Variants in STEAP1B observed in about 807,000 individuals in gnomAD.
STEAP1B encodes the protein STEAP family protein MGC87042.
Under a neutral mutation model 27.9 loss-of-function variants are expected in STEAP1B, and 13 were observed. The observed-to-expected ratio is 0.47, with a 90% confidence interval of 0.30 to 0.74. STEAP1B has a LOEUF of 0.74. STEAP1B is among the 30% of genes least tolerant of loss of function. The pLI is 0.06. For missense variants in STEAP1B, 250 were observed against 298.7 expected (o/e 0.84, Z 1.20); for synonymous variants, 86 against 107.1 (o/e 0.80, Z 1.22).
intron 4 of STEAP1B, among the ~76,000 whole-genome samples, chr7:22,422,098 AC>A (rs1184115991): frequency 6.6e-6 from 1 of 152,258 alleles, no homozygotes; most frequent in African/African-American, 2.4e-5. Context: ...CAACTGTGTT[AC>A]CACTTAAAAA....
intron 4 of STEAP1B, among the ~76,000 whole-genome samples, chr7:22,471,485 A>G (rs748322602): frequency 3.3e-5 from 5 of 152,204 alleles, no homozygotes; most frequent in Non-Finnish European, 5.9e-5. Flanking sequence ...ATCTTCCCAC[A>G]AGGCAGAATT....
At chr7:22,458,570 G>A (rs1457302704) in intron 4 of STEAP1B, among the ~76,000 whole-genome samples, 5 of 152,144 alleles carry the variant, frequency 3.3e-5, no homozygotes, top group African/African-American at 7.2e-5. Flanking sequence ...TTTTTTCTCC[G>A]CTAGAGTCAG....
chr7:22,474,585 A>T (rs1053334307), intron 4 of STEAP1B, among the ~76,000 whole-genome samples: 2 of 152,202 alleles, frequency 1.3e-5, no homozygotes, highest in African/African-American at 4.8e-5. Flanking sequence ...CTGATGTTGC[A>T]CTGCCCTGGT....
intron 4 of STEAP1B, among the ~76,000 whole-genome samples, chr7:22,452,310 C>T (rs1189321141): frequency 6.6e-6 from 1 of 152,138 alleles, no homozygotes; most frequent in Non-Finnish European, 1.5e-5. Context: ...GCTCCTGAGA[C>T]CCTCCACACT....
chr7:22,429,880 G>A (rs1785156059), intron 4 of STEAP1B, among the ~76,000 whole-genome samples: 1 of 152,048 alleles, frequency 6.6e-6, no homozygotes, highest in African/African-American at 2.4e-5. Flanking sequence ...GCCTGACACA[G>A]GTTGGGCATC....
intron 4 of STEAP1B, among the ~76,000 whole-genome samples, chr7:22,467,850 T>G (rs1785813888): frequency 6.6e-6 from 1 of 152,174 alleles, no homozygotes; most frequent in South Asian, 2.1e-4. Context: ...CCAAGAGATA[T>G]AGTTCAAACT....
At chr7:22,494,292 G>A (rs978808631) in intron 2 of STEAP1B, among the ~76,000 whole-genome samples, 1 of 151,752 alleles carries the variant, frequency 6.6e-6, no homozygotes, top group Non-Finnish European at 1.5e-5. Context: ...AGTGGAAAAA[G>A]TGATTCTTAT....
chr7:22,477,958 C>A (rs978410174), intron 4 of STEAP1B, among the ~76,000 whole-genome samples: 1 of 152,182 alleles, frequency 6.6e-6, no homozygotes, highest in South Asian at 2.1e-4. Context: ...GGGAAAAACA[C>A]ACAGTACTCT....
At chr7:22,423,185 C>G (rs1173233631) in intron 4 of STEAP1B, among the ~76,000 whole-genome samples, 1 of 152,126 alleles carries the variant, frequency 6.6e-6, no homozygotes, top group Non-Finnish European at 1.5e-5. Flanking sequence ...TAAAATGGGG[C>G]AGCCACTTTG....
intron 1 of STEAP1B, chr7:22,495,394 G>C (rs1196993350): frequency 2.6e-5 from 4 of 152,294 alleles, no homozygotes; most frequent in Admixed American, 2.0e-4. Flanking sequence ...GTTGGTCCTT[G>C]TTTGGAAGAT....
chr7:22,465,370 T>A (rs1165096278), intron 4 of STEAP1B, among the ~76,000 whole-genome samples: 1 of 152,116 alleles, frequency 6.6e-6, no homozygotes, highest in East Asian at 1.9e-4. Flanking sequence ...ATGTACGGAT[T>A]TTTTTGCTTT....
At chr7:22,424,596 G>T (rs759541958) in intron 4 of STEAP1B, among the ~76,000 whole-genome samples, 7 of 152,114 alleles carry the variant, frequency 4.6e-5, no homozygotes, top group Non-Finnish European at 1.0e-4. Context: ...TTGGCCATTT[G>T]TCCCAGATAC....
At position 22,493,799 on chromosome 7, in the gene STEAP1B, G is replaced by A; in HGVS notation, c.122C>T (p.Pro41Leu). ...TGTTTGCTGCAAATGCAAAAGCACA[G>A]GTCTTTTTAGCATGCTGGTCTCTCC... ...DTGETSMLKR[P>L]VLLHLQQTAH... Residue 41 changes from proline (P) to leucine (L), a missense_variant, in exon 3 of 5, where the codon CCT becomes CTT. Transcript: ENST00000678116. 1.2e-6 allele frequency: 2 copies of A among 1,612,910 alleles called. No individual in the cohort carries two copies. The highest frequency in any genetic ancestry group is 8.5e-7 in the Non-Finnish European group (1 of 1,179,528).
intron 4 of STEAP1B, among the ~76,000 whole-genome samples, chr7:22,481,146 G>A (rs1211079015): frequency 6.6e-6 from 1 of 152,218 alleles, no homozygotes; most frequent in Admixed American, 6.5e-5. Flanking sequence ...AGTAGTGGCT[G>A]ACCTTGAATC....
chr7:22,427,275 T>C (rs1056326290), intron 4 of STEAP1B, among the ~76,000 whole-genome samples: 4 of 152,188 alleles, frequency 2.6e-5, no homozygotes, highest in Non-Finnish European at 5.9e-5. Context: ...ACAGCAGTTA[T>C]GGACAATAGG....
rs1786385392 is a variant in STEAP1B, at chr7:22,493,699, T to C, written c.222A>G (p.Pro74=). The change falls in exon 3 of 5, where the codon CCA becomes CCG. Residue 74 remains proline, a synonymous_variant. Coordinates refer to ENST00000678116, the MANE Select transcript of STEAP1B (RefSeq NM_001382447.1). ...AQELFPQWHL[P]IKIAAVMASL... is the part of the protein sequence containing the mutation. ...ATGCCATAACAGCAGCTATTTTAATTGGCAAGTGCCACTGTGGAAAGAGTT... is the reference window on the plus strand; with the variant it reads ...ATGCCATAACAGCAGCTATTTTAATCGGCAAGTGCCACTGTGGAAAGAGTT... 6.2e-7 allele frequency: 1 copy of C among 1,614,022 alleles called. No individual in the cohort carries two copies. Among genetic ancestry groups the C allele is most frequent in the Non-Finnish European group, 8.5e-7 (1 of 1,179,868 alleles).
intron 2 of STEAP1B, 131 bp downstream of exon 2, chr7:22,494,641 G>A: frequency 1.7e-6 from 1 of 604,104 alleles, no homozygotes. Context: ...ATCAGTGACA[G>A]TAATCCAAGT....
rs551049176 is a variant in STEAP1B at position 22,449,975 on chromosome 7, T to C, written c.763-30139A>G. 2.6e-5 allele frequency among the ~76,000 whole-genome samples: 4 copies of C among 152,314 alleles called. No individual in the cohort carries two copies. The South Asian group carries it at 6.2e-4, about 24-fold the overall frequency. On this transcript the variant is annotated intron_variant, in intron 4 of 4. Transcript: ENST00000678116. ...AATGTCTATTCAGATCTTTTGCCCA[T>C]TTGAAAATTGGATTAGATTTTTTTC...
intron 4 of STEAP1B, among the ~76,000 whole-genome samples, chr7:22,460,079 G>A (rs1263400501): frequency 6.6e-6 from 1 of 152,102 alleles, no homozygotes; most frequent in Non-Finnish European, 1.5e-5. Context: ...GGAGGTCAAG[G>A]TGGGAGGACT....
Sources: allele counts gnomAD v4.1 joint callset (sites outside exome capture counted in the v4.1 genomes callset), GRCh38; gene constraint gnomAD v4.1.1; transcripts MANE v1.5; gene names NCBI Gene and HGNC (gene_info 2026-07-23, HGNC 2026-07-21).